TBC1D3B: variants seen among roughly 807,000 people sequenced by gnomAD.
The protein encoded by TBC1D3B is Rab GTPase-activating protein PRC17 duplicate.
In TBC1D3B, 2 loss-of-function variants were observed where a neutral mutation model predicts 27.1. The observed-to-expected ratio is 0.07, with a 90% CI of 0.03 to 0.23. The LOEUF is 0.23. Ranked by LOEUF, TBC1D3B falls within the 10% of genes least tolerant of loss-of-function variation. TBC1D3B has a pLI of 1.00. For synonymous variants in TBC1D3B, 3 were observed against 150.1 expected (o/e 0.02, Z 7.16); for missense variants, 17 against 401.3 (o/e 0.04, Z 8.18).
chr17:36,170,816 G>C (rs1440599505), intron 7 of TBC1D3B, among the ~76,000 whole-genome samples: 2 of 85,282 alleles, frequency 2.3e-5, no homozygotes, highest in Admixed American at 2.1e-4. Context: ...TGACTTGCCT[G>C]ATCCTTTTCA....
chr17:36,171,448 A>G (rs1281030396), intron 7 of TBC1D3B, among the ~76,000 whole-genome samples: 5 of 151,034 alleles, frequency 3.3e-5, no homozygotes, highest in African/African-American at 7.2e-5. Context: ...TCATGTTCCC[A>G]GCGGACCTGG....
intron 7 of TBC1D3B, among the ~76,000 whole-genome samples, chr17:36,171,373 G>C (rs2068351880): frequency 6.6e-6 from 1 of 150,936 alleles, no homozygotes; most frequent in Admixed American, 6.6e-5. Context: ...TTGGGGATGT[G>C]TGGTTCAAGT....
chr17:36,171,045 G>A (rs1598961914), intron 7 of TBC1D3B, among the ~76,000 whole-genome samples: 1 of 125,870 alleles, frequency 7.9e-6, no homozygotes, highest in East Asian at 2.0e-4. Context: ...CTGCTTCTCA[G>A]TCCCTGTGGT....
At position 36,171,212 on chromosome 17, in the gene TBC1D3B, G is replaced by T. The variant is rs1323925048; in HGVS notation, c.498-609C>A. 2.0e-5 allele frequency among the ~76,000 whole-genome samples: 3 copies of T among 150,236 alleles called. No homozygotes were observed. In the East Asian group the frequency reaches 5.8e-4, roughly 29 times the overall value. ...TTCTCACTGGGTCTTCCGTTTGAAG[G>T]GAGGACCAGCCTTGCTCTCCCCATT... On this transcript the variant is annotated intron_variant, in intron 7 of 13. Transcript: ENST00000611257.
intron 9 of TBC1D3B, 113 bp from the exon 10 acceptor site, chr17:36,169,287 C>T (rs2068310375): frequency 2.6e-6 from 4 of 1,544,396 alleles, no homozygotes; most frequent in South Asian, 2.2e-5. Flanking sequence ...CTACTCCCAC[C>T]CTCCCATCTG....
intron 7 of TBC1D3B, among the ~76,000 whole-genome samples, chr17:36,171,442 G>C (rs2068353702): frequency 6.6e-6 from 1 of 150,956 alleles, no homozygotes; most frequent in Non-Finnish European, 1.5e-5. Context: ...GCCATGTCAT[G>C]TTCCCAGCGG....
At chr17:36,169,299 TGA>T (rs2068310700) in intron 9 of TBC1D3B, 125 bp from the exon 10 acceptor site, 1 of 1,500,328 alleles carries the variant, frequency 6.7e-7, no homozygotes, top group Non-Finnish European at 9.3e-7. Flanking sequence ...TCCCATCTGG[TGA>T]CCCCAACATG....
intron 12 of TBC1D3B, 46 bp downstream of exon 12, chr17:36,168,021 C>G (rs2068287896): frequency 4.1e-6 from 2 of 493,340 alleles, no homozygotes; most frequent in Non-Finnish European, 7.9e-6. Flanking sequence ...CAGTCGGGGT[C>G]TGACCCCAGG....
intron 3 of TBC1D3B, 125 bp downstream of exon 3, chr17:36,174,606 C>A: frequency 7.8e-6 from 1 of 127,646 alleles, no homozygotes; most frequent in Admixed American, 8.4e-5. Flanking sequence ...GGAGTTCTGT[C>A]CCTGGAAAGG....
chr17:36,167,108 T>G (rs1419750206), intron 13 of TBC1D3B, among the ~76,000 whole-genome samples: 4 of 108,294 alleles, frequency 3.7e-5, no homozygotes, highest in Admixed American at 3.3e-4. Flanking sequence ...ACCGATTCCC[T>G]TGACTCCCTG....
intron 10 of TBC1D3B, 57 bp downstream of exon 10, chr17:36,169,023 C>T (rs1381045677): frequency 1.4e-5 from 23 of 1,586,634 alleles, no homozygotes; most frequent in Non-Finnish European, 1.9e-5. Context: ...CCCCCTGCTC[C>T]TACAGCCCCA....
chr17:36,169,250 A>G (rs2068309070), intron 9 of TBC1D3B, 76 bp from the exon 10 acceptor site: 1 of 1,574,034 alleles, frequency 6.4e-7, no homozygotes. Context: ...AGAGCTGGGC[A>G]GCTGGAGAGG....
chr17:36,167,187 A>C (rs1465107550), intron 13 of TBC1D3B, among the ~76,000 whole-genome samples: 1 of 91,830 alleles, frequency 1.1e-5, no homozygotes, highest in Non-Finnish European at 3.4e-5. Context: ...CTGCTCTCTG[A>C]GGCTGTGGGT....
Position 36,166,200 on chromosome 17 carries a change from GCACGGAC to G in TBC1D3B, c.1438_1444del (p.Val480ProfsTer21), listed in dbSNP as rs2068252016. 7.5e-7 allele frequency: 1 copy of G among 1,334,886 alleles called. No homozygotes were observed. Among genetic ancestry groups the G allele is most frequent in the Admixed American group, 1.8e-5 (1 of 56,234 alleles). 82.7% of individuals were successfully genotyped at this position (1,334,886 alleles called of 1,614,324 possible). ...GGCCAGCTGGTCCTCCTGGGATATG[GCACGGAC>G]CCAGCAGCTCTGTCTGAAATCATAA... On this transcript the variant is annotated frameshift_variant, in exon 14 of 14. Transcript: ENST00000611257. LOFTEE classifies it low-confidence loss of function (END_TRUNC).
At chr17:36,175,638 C>T (rs1300794547) in intron 1 of TBC1D3B, among the ~76,000 whole-genome samples, 6 of 96,584 alleles carry the variant, frequency 6.2e-5, no homozygotes, top group African/African-American at 2.0e-4. Flanking sequence ...ATCTATTGTA[C>T]GCATGGAAAC....
At chr17:36,169,269 C>A (rs1216216119) in intron 9 of TBC1D3B, 95 bp from the exon 10 acceptor site, 1 of 1,567,020 alleles carries the variant, frequency 6.4e-7, no homozygotes, top group African/African-American at 1.3e-5. Flanking sequence ...GGCCCCCAAA[C>A]CCCAAGGCTA....
In TBC1D3B at chr17:36,165,935, C is replaced by A; in HGVS notation, c.*60G>T. On this transcript the variant is annotated 3_prime_UTR_variant, in exon 14 of 14. Transcript: ENST00000611257. ...CCAAAAATAAAACGAGGACGCGAAG[C>A]TTGCTTGGGTTGTTAAGCCTAGGGA... is the stretch of plus-strand genomic sequence containing the variant. 3 of 1,035,068 alleles carry A rather than the reference C, an allele frequency of 2.9e-6. 1 individual carries two copies. In the South Asian group the frequency reaches 4.2e-5, roughly 15 times the overall value. 64.1% of individuals were successfully genotyped at this position (1,035,068 alleles called of 1,614,324 possible).
At chr17:36,171,280 C>A (rs1383421803) in intron 7 of TBC1D3B, among the ~76,000 whole-genome samples, 1 of 151,070 alleles carries the variant, frequency 6.6e-6, no homozygotes, top group African/African-American at 2.4e-5. Flanking sequence ...GTGTGAGTGA[C>A]GAGGAGTCAA....
At chr17:36,167,061 C>T (rs2068266843) in intron 13 of TBC1D3B, among the ~76,000 whole-genome samples, 1 of 106,646 alleles carries the variant, frequency 9.4e-6, no homozygotes, top group Admixed American at 8.5e-5. Context: ...GGGGTCCCGC[C>T]TGTGCCCTCT....
Sources: allele counts gnomAD v4.1 joint callset (sites outside exome capture counted in the v4.1 genomes callset), GRCh38; gene constraint gnomAD v4.1.1; transcripts MANE v1.5; gene names NCBI Gene and HGNC (gene_info 2026-07-23, HGNC 2026-07-21).